Variants in NEGR1 observed in about 807,000 individuals in gnomAD.
NEGR1 encodes the protein IgLON family member 4.
A neutral mutation model predicts 40.9 loss-of-function variants in NEGR1; 10 were observed. That is an observed-to-expected ratio of 0.24 (90% confidence interval 0.15 to 0.42). The LOEUF is 0.42. Among genes scored for constraint, NEGR1 ranks in the 10% least tolerant of loss-of-function variants. The pLI is 1.00. For synonymous variants in NEGR1, 185 were observed against 166.8 expected, an observed-to-expected ratio of 1.11 and a Z score of -0.84; for missense variants, 352 against 438.9, an observed-to-expected ratio of 0.80 and a Z score of 1.77.
chr1:71,865,071 A>G (rs1660072891), intron 2 of NEGR1, among the ~76,000 whole-genome samples: 1 of 152,208 alleles, frequency 6.6e-6, no homozygotes, highest in Non-Finnish European at 1.5e-5. Flanking sequence ...GTGAGATCAC[A>G]TGCTGAATAA....
intron 2 of NEGR1, among the ~76,000 whole-genome samples, chr1:71,784,629 A>G (rs1656845443): frequency 6.6e-6 from 1 of 152,206 alleles, no homozygotes; most frequent in African/African-American, 2.4e-5. Flanking sequence ...TGAACCCTAC[A>G]GGATATGGAA....
At position 71,698,596 on chromosome 1, in the gene NEGR1, T is replaced by A. The variant is rs12090645; in HGVS notation, c.536-457A>T. On this transcript the variant is annotated intron_variant, in intron 3 of 6. Transcript: ENST00000357731. ...TCCTACCCTTATTCAAGGATTCAAG[T>A]CAGATGTCTTGAAAAAAGTATATAT... 6.8e-3 allele frequency among the ~76,000 whole-genome samples: 1,030 copies of A among 151,944 alleles called. 10 individuals carry two copies. The highest frequency in any genetic ancestry group is 0.023 in the African/African-American group (967 of 41,504).
In NEGR1 at chr1:72,258,067, T is replaced by G. The variant is rs115617892; in HGVS notation, c.176+24252A>C. On this transcript the variant is annotated intron_variant, in intron 1 of 6. Coordinates refer to ENST00000357731, the MANE Select transcript of NEGR1 (RefSeq NM_173808.3). ...CCTAATATTATCAATCCTTCCCTAATCTCCATTCATGCCGGTATTCTTAAT... is the reference window on the plus strand; with the variant it reads ...CCTAATATTATCAATCCTTCCCTAAGCTCCATTCATGCCGGTATTCTTAAT... 7.4e-3 allele frequency among the ~76,000 whole-genome samples: 1,120 copies of G among 152,262 alleles called. 16 individuals are homozygous for G. The highest frequency in any genetic ancestry group is 0.025 in the African/African-American group (1,045 of 41,544).
At chr1:71,867,383 A>G (rs1398447228) in intron 2 of NEGR1, among the ~76,000 whole-genome samples, 1 of 152,168 alleles carries the variant, frequency 6.6e-6, no homozygotes, top group African/African-American at 2.4e-5. Context: ...GAGGGAGGGG[A>G]CGAGGGGATT....
intron 4 of NEGR1, among the ~76,000 whole-genome samples, chr1:71,619,869 C>CCAA (rs1253562210): frequency 1.3e-5 from 2 of 151,992 alleles, no homozygotes; most frequent in African/African-American, 2.4e-5. Flanking sequence ...CACTTGGCAC[C>CCAA]CAACAAGCCT....
At chr1:71,754,427 G>A (rs192694354) in intron 3 of NEGR1, among the ~76,000 whole-genome samples, 10 of 152,222 alleles carry the variant, frequency 6.6e-5, no homozygotes, top group Admixed American at 5.2e-4. Flanking sequence ...TATTTTTGGT[G>A]AAATAAGGAA....
chr1:71,755,515 G>A (rs769391897), intron 3 of NEGR1, among the ~76,000 whole-genome samples: 21 of 152,222 alleles, frequency 1.4e-4, no homozygotes, highest in Non-Finnish European at 2.5e-4. Flanking sequence ...TACTTGATCT[G>A]TCCAGCCCCA....
At chr1:71,715,804 C>A (rs1377085841) in intron 3 of NEGR1, among the ~76,000 whole-genome samples, 1 of 152,140 alleles carries the variant, frequency 6.6e-6, no homozygotes, top group African/African-American at 2.4e-5. Context: ...TGGTCAAAGC[C>A]ATTCAACAAA....
chr1:71,644,710 A>T (rs1651475075), intron 4 of NEGR1, among the ~76,000 whole-genome samples: 1 of 151,996 alleles, frequency 6.6e-6, no homozygotes, highest in African/African-American at 2.4e-5. Flanking sequence ...AGGATTAAAT[A>T]GGAAAAATAT....
intron 6 of NEGR1, among the ~76,000 whole-genome samples, chr1:71,538,916 A>G (rs1195055503): frequency 2.0e-5 from 3 of 151,762 alleles, no homozygotes; most frequent in Non-Finnish European, 4.4e-5. Context: ...CCGAAGCTCC[A>G]GACTTCATTT....
At chr1:72,098,370 G>A (rs1648794112) in intron 1 of NEGR1, among the ~76,000 whole-genome samples, 1 of 152,160 alleles carries the variant, frequency 6.6e-6, no homozygotes. Flanking sequence ...CCACCATTAT[G>A]TTAAATAATA....
intron 1 of NEGR1, among the ~76,000 whole-genome samples, chr1:72,163,808 T>TATA (rs1651678275): frequency 6.6e-6 from 1 of 151,918 alleles, no homozygotes; most frequent in Non-Finnish European, 1.5e-5. Flanking sequence ...AAAGTAGAAA[T>TATA]ATAATATTAA....
At chr1:71,928,049 C>CACACACACACATAT (rs762927832) in intron 2 of NEGR1, among the ~76,000 whole-genome samples, 1 of 86,190 alleles carries the variant, frequency 1.2e-5, no homozygotes, top group African/African-American at 4.9e-5. Context: ...CACACACACA[C>CACACACACACATAT]GTATATATAT....
At chr1:71,820,019 A>AT (rs1658368382) in intron 2 of NEGR1, among the ~76,000 whole-genome samples, 1 of 152,032 alleles carries the variant, frequency 6.6e-6, no homozygotes, top group African/African-American at 2.4e-5. Flanking sequence ...AGTGTGGATA[A>AT]TAAGATTTCA....
chr1:72,062,961 C>A (rs755105050), intron 1 of NEGR1, among the ~76,000 whole-genome samples: 8 of 151,878 alleles, frequency 5.3e-5, no homozygotes, highest in Non-Finnish European at 8.8e-5. Flanking sequence ...AGTGAATCTT[C>A]ATAAATCAAT....
chr1:71,901,148 A>G (rs1661133373), intron 2 of NEGR1, among the ~76,000 whole-genome samples: 1 of 152,182 alleles, frequency 6.6e-6, no homozygotes, highest in Non-Finnish European at 1.5e-5. Flanking sequence ...AGTGTCAAAA[A>G]CATTCTATCA....
At chr1:72,273,645 T>C (rs1655933249) in intron 1 of NEGR1, among the ~76,000 whole-genome samples, 1 of 151,952 alleles carries the variant, frequency 6.6e-6, no homozygotes. Flanking sequence ...ATACTTTACC[T>C]TTATTATGTA....
intron 1 of NEGR1, among the ~76,000 whole-genome samples, chr1:72,071,473 G>A (rs911461258): frequency 1.3e-5 from 2 of 151,938 alleles, no homozygotes; most frequent in African/African-American, 4.8e-5. Flanking sequence ...TATTTTAGAT[G>A]TCAATAATCT....
At chr1:72,162,292 A>AAAAAAATAAGAAT (rs1553146846) in intron 1 of NEGR1, among the ~76,000 whole-genome samples, 1 of 144,658 alleles carries the variant, frequency 6.9e-6, no homozygotes, top group African/African-American at 2.6e-5. Flanking sequence ...CCTCTACTAA[A>AAAAAAATAAGAAT]AAAAAATAAA....
Sources: allele counts gnomAD v4.1 joint callset (sites outside exome capture counted in the v4.1 genomes callset), GRCh38; gene constraint gnomAD v4.1.1; transcripts MANE v1.5; gene names NCBI Gene and HGNC (gene_info 2026-07-23, HGNC 2026-07-21).